Variants in GRM8 observed in about 807,000 individuals in gnomAD.
GRM8 encodes the protein metabotropic glutamate receptor 8.
GRM8 carries 47 observed loss-of-function variants against 87.2 expected under a neutral mutation model. The ratio of observed to expected loss-of-function variants is 0.54; its 90% CI spans 0.43 to 0.69. The LOEUF is 0.69. GRM8 is among the 30% of genes least tolerant of loss of function. The probability of loss-of-function intolerance (pLI) is 0.00; values close to 1 mark genes in which losing one functional copy is unlikely to be tolerated. For missense variants in GRM8, 1,019 were observed against 1,139.2 expected (o/e 0.89, Z 1.52); for synonymous variants, 396 against 404.5 (o/e 0.98, Z 0.25).
intron 7 of GRM8, among the ~76,000 whole-genome samples, chr7:126,722,119 C>T (rs1812456026): frequency 6.6e-6 from 1 of 152,138 alleles, no homozygotes; most frequent in Non-Finnish European, 1.5e-5. Context: ...CTTTAACTTT[C>T]CTCCTGGGCG....
At position 126,973,855 on chromosome 7, in the gene GRM8, G is replaced by A. The variant is rs113119075; in HGVS notation, c.728-69172C>T. ...TATATGTGGAGTCTAAATAAAAAACGTCAACTATACAGAGAGAGTAGCAGT... is the reference window on the plus strand; with the variant it reads ...TATATGTGGAGTCTAAATAAAAAACATCAACTATACAGAGAGAGTAGCAGT... On this transcript the variant is annotated intron_variant, in intron 3 of 10. Transcript: ENST00000339582. Among the ~76,000 whole-genome samples, 7 of 152,218 alleles carry A rather than the reference G, an allele frequency of 4.6e-5. No homozygotes were observed. The East Asian group carries it at 5.8e-4, about 13-fold the overall frequency.
At chr7:126,763,736 C>T (rs1281592502) in intron 7 of GRM8, among the ~76,000 whole-genome samples, 1 of 151,360 alleles carries the variant, frequency 6.6e-6, no homozygotes, top group Non-Finnish European at 1.5e-5. Flanking sequence ...GTTATTTTTG[C>T]TCATTTACTC....
intron 8 of GRM8, among the ~76,000 whole-genome samples, chr7:126,572,137 G>A (rs1449865189): frequency 6.6e-6 from 1 of 152,158 alleles, no homozygotes; most frequent in African/African-American, 2.4e-5. Flanking sequence ...TTATTCCAAA[G>A]AAGGAAAATG....
intron 8 of GRM8, among the ~76,000 whole-genome samples, chr7:126,592,778 A>G (rs1182156783): frequency 1.3e-5 from 2 of 151,944 alleles, no homozygotes; most frequent in African/African-American, 2.4e-5. Context: ...CACTTCTTCT[A>G]TTCAGTACAT....
At chr7:126,998,797 T>A (rs375294523) in intron 3 of GRM8, among the ~76,000 whole-genome samples, 9 of 151,790 alleles carry the variant, frequency 5.9e-5, no homozygotes, top group Admixed American at 2.6e-4. Context: ...GTTCAAGGAT[T>A]GAAGGAATCA....
At chr7:127,072,968 T>G in intron 3 of GRM8, among the ~76,000 whole-genome samples, 1 of 140,202 alleles carries the variant, frequency 7.1e-6, no homozygotes, top group East Asian at 2.0e-4. Flanking sequence ...AAAAAGGCCA[T>G]CCTCGCTTCC....
intron 7 of GRM8, among the ~76,000 whole-genome samples, chr7:126,720,190 C>G (rs1045385932): frequency 6.6e-6 from 1 of 151,486 alleles, no homozygotes; most frequent in African/African-American, 2.4e-5. Context: ...GCTCTGTCAC[C>G]CAGACCGGAG....
At chr7:126,840,224 A>C (rs1389323673) in intron 6 of GRM8, among the ~76,000 whole-genome samples, 1 of 152,192 alleles carries the variant, frequency 6.6e-6, no homozygotes, top group Non-Finnish European at 1.5e-5. Flanking sequence ...TGCAGTCTTA[A>C]ATTATCCAAA....
chr7:126,994,865 C>T (rs1053890056), intron 3 of GRM8, among the ~76,000 whole-genome samples: 2 of 152,128 alleles, frequency 1.3e-5, no homozygotes, highest in African/African-American at 2.4e-5. Flanking sequence ...TCCCCACCTA[C>T]TGATTGTAGA....
chr7:126,633,659 T>C (rs968520613), intron 7 of GRM8, among the ~76,000 whole-genome samples: 18 of 152,270 alleles, frequency 1.2e-4, no homozygotes, highest in African/African-American at 4.1e-4. Context: ...TATCTGTTTT[T>C]TTGAAAAGCA....
At position 126,623,374 on chromosome 7, in the gene GRM8, A is replaced by G. The variant is rs180967250; in HGVS notation, c.1358-13876T>C. 2.6e-5 allele frequency among the ~76,000 whole-genome samples: 4 copies of G among 152,342 alleles called. No homozygotes were observed. In the East Asian group the frequency reaches 7.7e-4, roughly 29 times the overall value. On this transcript the variant is annotated intron_variant, in intron 7 of 10. Transcript: ENST00000339582. ...CATATGAAAAATATCACATCAAAATATAATCAATATAGAAATATTGAGGTA... is the reference window on the plus strand; with the variant it reads ...CATATGAAAAATATCACATCAAAATGTAATCAATATAGAAATATTGAGGTA...
chr7:126,609,482 A>G lies in GRM8; in HGVS notation c.1374T>C (p.Pro458=). ...AVNFNGSAGT[P]VTFNENGDAP... ...CATCTCCGTTTTCATTAAAAGTGAC[A>G]GGAGTGCCAGCACTGCCTATAAAGA... Residue 458 remains proline, a synonymous_variant, in exon 8 of 11, where the codon CCT becomes CCC. Transcript: ENST00000339582. 1.2e-6 allele frequency: 2 copies of G among 1,612,320 alleles called. No individual in the cohort carries two copies. Among genetic ancestry groups the G allele is most frequent in the Non-Finnish European group, 1.7e-6 (2 of 1,178,456 alleles).
intron 2 of GRM8, among the ~76,000 whole-genome samples, chr7:127,172,703 C>T (rs1013731357): frequency 1.0e-4 from 12 of 120,214 alleles, no homozygotes; most frequent in African/African-American, 2.5e-4. Context: ...TGCGAGACTC[C>T]GTCTCAAAAA....
intron 1 of GRM8, among the ~76,000 whole-genome samples, chr7:127,247,457 G>A (rs527605320): frequency 6.6e-6 from 1 of 152,188 alleles, no homozygotes; most frequent in East Asian, 1.9e-4. Context: ...TTAACAAAAA[G>A]GTTAAGCTGA....
chr7:127,041,006 C>A (rs2132399055), intron 3 of GRM8, among the ~76,000 whole-genome samples: 1 of 152,268 alleles, frequency 6.6e-6, no homozygotes, highest in South Asian at 2.1e-4. Context: ...GTGTTCAATT[C>A]ATGTTTGAGA....
chr7:126,588,062 A>G (rs1796328371), intron 8 of GRM8, among the ~76,000 whole-genome samples: 1 of 152,176 alleles, frequency 6.6e-6, no homozygotes, highest in Admixed American at 6.5e-5. Flanking sequence ...AGGACAATGT[A>G]ATGGCTTCAT....
intron 9 of GRM8, among the ~76,000 whole-genome samples, chr7:126,490,211 C>A (rs759668227): frequency 2.0e-5 from 3 of 152,108 alleles, no homozygotes; most frequent in Non-Finnish European, 4.4e-5. Flanking sequence ...ATTACCCTTA[C>A]CAACATTTGG....
intron 3 of GRM8, among the ~76,000 whole-genome samples, chr7:126,982,448 T>C (rs1334226280): frequency 1.3e-5 from 2 of 152,182 alleles, no homozygotes; most frequent in African/African-American, 4.8e-5. Flanking sequence ...CCTGAGATCA[T>C]ACATAATCTT....
At chr7:126,745,626 C>T (rs1299995584) in intron 7 of GRM8, among the ~76,000 whole-genome samples, 3 of 151,570 alleles carry the variant, frequency 2.0e-5, no homozygotes, top group Non-Finnish European at 4.4e-5. Flanking sequence ...TAACACTAGG[C>T]ATAAAATGTG....
Sources: gnomAD v4.1 joint callset for allele counts (sites outside exome capture counted in the v4.1 genomes callset) on GRCh38, gnomAD v4.1.1 for gene constraint, MANE v1.5 for transcripts, NCBI Gene and HGNC (gene_info 2026-07-23, HGNC 2026-07-21) for gene names.